CLDN10: variants seen among roughly 807,000 people sequenced by gnomAD.
CLDN10 encodes the protein claudin-10.
A neutral mutation model predicts 22.9 loss-of-function variants in CLDN10; 15 were observed. That is an observed-to-expected ratio of 0.65 (90% CI 0.44 to 1.01). CLDN10 has a LOEUF of 1.01. Ranked by LOEUF, CLDN10 falls within the 50% of genes least tolerant of loss-of-function variation. CLDN10 has a pLI of 0.00. For synonymous variants in CLDN10, 114 were observed against 111.4 expected, an observed-to-expected ratio of 1.02 and a Z score of -0.15; for missense variants, 247 against 287.8, an observed-to-expected ratio of 0.86 and a Z score of 1.03.
At chr13:95,546,627 G>C (rs890346951) in intron 1 of CLDN10, among the ~76,000 whole-genome samples, 1 of 152,138 alleles carries the variant, frequency 6.6e-6, no homozygotes, top group Non-Finnish European at 1.5e-5. Flanking sequence ...TGTGAGCCAC[G>C]TGGTAACTTG....
chr13:95,456,379 C>T (rs1166892972), intron 1 of CLDN10, among the ~76,000 whole-genome samples: 2 of 152,156 alleles, frequency 1.3e-5, no homozygotes. Context: ...CTATTCCACC[C>T]CACTTTTCTC....
In CLDN10 at chr13:95,502,489, T is replaced by C. The variant is rs559364870; in HGVS notation, c.215-57643T>C. Among the ~76,000 whole-genome samples, 79 of 151,008 alleles carry C rather than the reference T, an allele frequency of 5.2e-4. No individual in the cohort carries two copies. In the South Asian group the frequency reaches 0.01, roughly 20 times the overall value. On this transcript the variant is annotated intron_variant, in intron 1 of 4. Coordinates refer to the CLDN10 transcript ENST00000376873. ...TATGGTGAGGAACAGCTTGGGAGCA[T>C]GTTTTTTCTTGTTGTTGTGTTTTGT...
In CLDN10 at chr13:95,532,792, CAAAAA is replaced by C. The variant is rs57500288; in HGVS notation, c.215-27322_215-27318del. Among the ~76,000 whole-genome samples the C allele has an allele frequency of 2.3e-3, 142 of 62,022 alleles. 3 individuals are homozygous for C. The highest frequency in any genetic ancestry group is 0.02 in the Middle Eastern group (1 of 50). The allele number at this position is 62,022 out of a possible 152,430, so 40.7% of individuals were successfully genotyped here. Reference sequence around the variant, plus strand: ...CTTCAGATACTGGAACTCAATTCAGCAAAAAAAAAAAAAAAAAAAAAAGAAGACAT... The same window carrying C: ...CTTCAGATACTGGAACTCAATTCAGCAAAAAAAAAAAAAAAAAGAAGACAT... On this transcript the variant is annotated intron_variant, in intron 1 of 4. Transcript: ENST00000376873.
chr13:95,473,762 T>G (rs2042658756), intron 1 of CLDN10, among the ~76,000 whole-genome samples: 1 of 152,154 alleles, frequency 6.6e-6, no homozygotes, highest in Non-Finnish European at 1.5e-5. Context: ...ATGCTGCTGG[T>G]TCAGGGACCA....
intron 1 of CLDN10, among the ~76,000 whole-genome samples, chr13:95,532,370 A>G (rs2043353286): frequency 6.6e-6 from 1 of 152,210 alleles, no homozygotes; most frequent in Non-Finnish European, 1.5e-5. Flanking sequence ...AGGTATTTGA[A>G]TGGGCAATAA....
intron 1 of CLDN10, among the ~76,000 whole-genome samples, chr13:95,519,623 T>C (rs950330579): frequency 1.3e-5 from 2 of 152,234 alleles, no homozygotes; most frequent in African/African-American, 4.8e-5. Flanking sequence ...AGTCAGTAAG[T>C]GGCAGACACA....
intron 1 of CLDN10, among the ~76,000 whole-genome samples, chr13:95,557,583 G>A (rs1311258194): frequency 1.3e-5 from 2 of 152,216 alleles, no homozygotes; most frequent in Non-Finnish European, 1.5e-5. Context: ...TTGTGCATGC[G>A]CAAAATTAAC....
rs1380565568 is a variant in CLDN10, at chr13:95,578,891, C to T, written c.*877C>T. Reference sequence around the variant, plus strand: ...GCTAATGGGGCCAATATATTATTGCCTGTCATGTGGCACATCCATGTTAAG... The same window carrying T: ...GCTAATGGGGCCAATATATTATTGCTTGTCATGTGGCACATCCATGTTAAG... On this transcript the variant is annotated 3_prime_UTR_variant, in exon 5 of 5. Coordinates refer to ENST00000299339, the MANE Select transcript of CLDN10 (RefSeq NM_006984.5). 1 of 152,182 alleles carries T rather than the reference C, an allele frequency of 6.6e-6. No homozygotes were observed. Among genetic ancestry groups the T allele is most frequent in the African/African-American group, 2.4e-5 (1 of 41,432 alleles). 9.4% of individuals were successfully genotyped at this position (152,182 alleles called of 1,614,324 possible).
rs116441970 is a variant in CLDN10, at chr13:95,555,459, A to C, written c.220+2486A>C. Among the ~76,000 whole-genome samples, 450 of 152,134 alleles carry C rather than the reference A, an allele frequency of 3.0e-3. 1 individual carries two copies. The highest frequency in any genetic ancestry group is 0.01 in the African/African-American group (421 of 41,484). On this transcript the variant is annotated intron_variant, in intron 1 of 4. Transcript: ENST00000299339. ...TTTTCTCTTTTGTGAATTGGCATCCATATCTTAGGCCCATGGTTCTGTTGT... is the reference window on the plus strand; with the variant it reads ...TTTTCTCTTTTGTGAATTGGCATCCCTATCTTAGGCCCATGGTTCTGTTGT...
chr13:95,484,892 A>G (rs1257248085), intron 1 of CLDN10, among the ~76,000 whole-genome samples: 2 of 149,022 alleles, frequency 1.3e-5, no homozygotes, highest in East Asian at 1.9e-4. Flanking sequence ...AAAAAAAAAA[A>G]AAAGAAGCAG....
At chr13:95,479,490 A>G (rs1207445864) in intron 1 of CLDN10, 1 of 152,200 alleles carries the variant, frequency 6.6e-6, no homozygotes, top group Non-Finnish European at 1.5e-5. Flanking sequence ...TACTAAGGCT[A>G]TTTTTTAAAA....
intron 1 of CLDN10, among the ~76,000 whole-genome samples, chr13:95,470,678 G>A (rs1041159747): frequency 6.6e-6 from 1 of 152,026 alleles, no homozygotes; most frequent in Non-Finnish European, 1.5e-5. Context: ...CATGCTTTGC[G>A]GGAATCACAG....
chr13:95,484,942 T>A (rs2138503733), intron 1 of CLDN10, among the ~76,000 whole-genome samples: 1 of 151,214 alleles, frequency 6.6e-6, no homozygotes, highest in African/African-American at 2.4e-5. Context: ...TTATTTAGTT[T>A]GATTTAGTTT....
chr13:95,462,756 G>A (rs2042546480), intron 1 of CLDN10, among the ~76,000 whole-genome samples: 1 of 150,228 alleles, frequency 6.7e-6, no homozygotes, highest in Non-Finnish European at 1.5e-5. Context: ...TGAGTTTTAG[G>A]TAGAAAAAAG....
chr13:95,501,116 C>T (rs981542093), intron 1 of CLDN10, among the ~76,000 whole-genome samples: 8 of 151,890 alleles, frequency 5.3e-5, no homozygotes, highest in South Asian at 2.1e-4. Context: ...TGGGTTTAAG[C>T]GATTCTCCTG....
At chr13:95,434,544 T>TATATATATATGCACACATGTGTGC (rs2042246946) in intron 1 of CLDN10, among the ~76,000 whole-genome samples, 3 of 148,872 alleles carry the variant, frequency 2.0e-5, no homozygotes, top group South Asian at 2.2e-4. Flanking sequence ...CACACGTGTG[T>TATATATATATGCACACATGTGTGC]ATATATATAT....
chr13:95,486,542 A>G (rs1594554781), intron 1 of CLDN10, among the ~76,000 whole-genome samples: 1 of 147,262 alleles, frequency 6.8e-6, no homozygotes, highest in Non-Finnish European at 1.5e-5. Flanking sequence ...AAAAAAAAAA[A>G]AGATGCAATT....
intron 1 of CLDN10, among the ~76,000 whole-genome samples, chr13:95,462,469 A>C (rs2139090673): frequency 6.6e-6 from 1 of 152,326 alleles, no homozygotes; most frequent in African/African-American, 2.4e-5. Context: ...ATAAGGACAA[A>C]GACTTGGGTA....
chr13:95,529,444 A>C (rs1367139123), intron 1 of CLDN10, among the ~76,000 whole-genome samples: 1 of 152,184 alleles, frequency 6.6e-6, no homozygotes, highest in Non-Finnish European at 1.5e-5. Flanking sequence ...GGAATTGTTA[A>C]GAACCATTCG....
Sources: gnomAD v4.1 joint callset for allele counts (sites outside exome capture counted in the v4.1 genomes callset) on GRCh38, gnomAD v4.1.1 for gene constraint, MANE v1.5 for transcripts, NCBI Gene and HGNC (gene_info 2026-07-23, HGNC 2026-07-21) for gene names.